SHTN1: variants seen among roughly 807,000 people sequenced by gnomAD.
SHTN1 encodes the protein shootin-1.
A neutral mutation model predicts 83.1 loss-of-function variants in SHTN1; 42 were observed. The observed-to-expected ratio is 0.51, with a 90% CI of 0.39 to 0.65. SHTN1 has a LOEUF of 0.65. SHTN1 is among the 30% of genes least tolerant of loss of function. The pLI, the probability that SHTN1 is intolerant of heterozygous loss-of-function variation, is 0.00. For missense variants in SHTN1, 622 were observed against 737.8 expected (o/e 0.84, Z 1.82); for synonymous variants, 224 against 247.7 (o/e 0.90, Z 0.90).
chr10:116,937,575 C>T (rs1290339815), intron 9 of SHTN1, among the ~76,000 whole-genome samples: 1 of 152,142 alleles, frequency 6.6e-6, no homozygotes, highest in East Asian at 1.9e-4. Flanking sequence ...CCCAACCTTT[C>T]TCTCTGGCCG....
intron 4 of SHTN1, among the ~76,000 whole-genome samples, chr10:116,958,329 T>C (rs755697542): frequency 6.6e-6 from 1 of 152,194 alleles, no homozygotes; most frequent in African/African-American, 2.4e-5. Context: ...GTATTTGATT[T>C]AATCCATTTT....
At chr10:116,917,398 G>A (rs938364178) in intron 12 of SHTN1, among the ~76,000 whole-genome samples, 11 of 152,088 alleles carry the variant, frequency 7.2e-5, no homozygotes, top group African/African-American at 2.4e-4. Flanking sequence ...TCCACCTCCC[G>A]GGTTCAAGCA....
At chr10:117,110,910 A>C (rs1315221041) in intron 1 of SHTN1, among the ~76,000 whole-genome samples, 1 of 152,106 alleles carries the variant, frequency 6.6e-6, no homozygotes, top group Non-Finnish European at 1.5e-5. Context: ...TAAAACACAG[A>C]TTGTGGCTGG....
chr10:117,086,108 C>G (rs913602269), intron 1 of SHTN1, among the ~76,000 whole-genome samples: 1 of 151,908 alleles, frequency 6.6e-6, no homozygotes, highest in Admixed American at 6.6e-5. Context: ...TTAGTAGAGA[C>G]GGGGTTTCAC....
At chr10:117,073,955 TG>T (rs1214112771) in intron 1 of SHTN1, among the ~76,000 whole-genome samples, 1 of 152,152 alleles carries the variant, frequency 6.6e-6, no homozygotes, top group Non-Finnish European at 1.5e-5. Context: ...CCAGAATGCC[TG>T]CAGTCATTGC....
chr10:116,977,869 G>A (rs2133478106), intron 2 of SHTN1, among the ~76,000 whole-genome samples: 1 of 152,126 alleles, frequency 6.6e-6, no homozygotes, highest in Middle Eastern at 3.4e-3. Context: ...AAAGATGGGG[G>A]TCTTACTATG....
At chr10:117,031,952 T>C (rs1365084686) in intron 2 of SHTN1, among the ~76,000 whole-genome samples, 5 of 151,822 alleles carry the variant, frequency 3.3e-5, no homozygotes, top group Non-Finnish European at 2.9e-5. Context: ...TCAAAAGACA[T>C]AGAGTGGCTA....
intron 6 of SHTN1, 25 bp downstream of exon 6, chr10:116,951,884 T>C (rs773018624): frequency 2.2e-6 from 3 of 1,360,144 alleles, no homozygotes; most frequent in Non-Finnish European, 3.1e-6. Flanking sequence ...CTAAAGCCCT[T>C]GCCTTTCAGG....
intron 1 of SHTN1, among the ~76,000 whole-genome samples, chr10:117,074,606 G>C (rs995577264): frequency 6.6e-6 from 1 of 152,162 alleles, no homozygotes; most frequent in African/African-American, 2.4e-5. Context: ...TTTGATATAT[G>C]TAAATTAATT....
chr10:116,969,968 A>G (rs1850548265), intron 2 of SHTN1, among the ~76,000 whole-genome samples: 1 of 152,206 alleles, frequency 6.6e-6, no homozygotes, highest in African/African-American at 2.4e-5. Context: ...ATAAAGCACA[A>G]TTTTAAATTA....
chr10:117,088,463 C>T (rs1178272025), intron 1 of SHTN1, among the ~76,000 whole-genome samples: 2 of 151,908 alleles, frequency 1.3e-5, no homozygotes, highest in Admixed American at 6.6e-5. Flanking sequence ...TCAGTAGGCC[C>T]GAAAAGGTTA....
chr10:116,909,379 A>T (rs1014185138), intron 14 of SHTN1, among the ~76,000 whole-genome samples: 1 of 152,218 alleles, frequency 6.6e-6, no homozygotes, highest in Non-Finnish European at 1.5e-5. Context: ...GAAAAGACCC[A>T]TAATACAATT....
chr10:117,023,361 T>C (rs1852289086), intron 2 of SHTN1, among the ~76,000 whole-genome samples: 1 of 152,222 alleles, frequency 6.6e-6, no homozygotes, highest in African/African-American at 2.4e-5. Flanking sequence ...CTAGATGAGC[T>C]GCATTCAACA....
intron 1 of SHTN1, among the ~76,000 whole-genome samples, chr10:117,066,750 G>A (rs2133600057): frequency 6.6e-6 from 1 of 152,270 alleles, no homozygotes; most frequent in Admixed American, 6.5e-5. Context: ...ATACTAGAAA[G>A]AACGTGGGAC....
At chr10:117,109,366 A>G (rs924332195) in intron 1 of SHTN1, among the ~76,000 whole-genome samples, 1 of 151,996 alleles carries the variant, frequency 6.6e-6, no homozygotes, top group African/African-American at 2.4e-5. Context: ...GTAGACACTC[A>G]ATACATGTAA....
intron 10 of SHTN1, among the ~76,000 whole-genome samples, chr10:116,928,731 T>C (rs758102884): frequency 6.6e-6 from 1 of 152,226 alleles, no homozygotes; most frequent in Admixed American, 6.5e-5. Context: ...CAGTGTGGGC[T>C]ATGCTCTCCA....
chr10:117,086,211 T>C (rs966359696), intron 1 of SHTN1, among the ~76,000 whole-genome samples: 1 of 152,102 alleles, frequency 6.6e-6, no homozygotes, highest in Non-Finnish European at 1.5e-5. Context: ...AGCCACCGCG[T>C]CCATCATGAG....
chr10:116,906,398 T>C (rs1045608067), intron 15 of SHTN1, among the ~76,000 whole-genome samples: 2 of 152,252 alleles, frequency 1.3e-5, no homozygotes, highest in African/African-American at 4.8e-5. Flanking sequence ...AAATCAGATC[T>C]ATAAATGCCT....
At chr10:117,081,423 T>TAA (rs1853260030) in intron 1 of SHTN1, among the ~76,000 whole-genome samples, 1 of 141,214 alleles carries the variant, frequency 7.1e-6, no homozygotes. Flanking sequence ...GATGTGCTGC[T>TAA]GGATTTGGTT....
Sources: gnomAD v4.1 joint callset for allele counts (sites outside exome capture counted in the v4.1 genomes callset) on GRCh38, gnomAD v4.1.1 for gene constraint, MANE v1.5 for transcripts, NCBI Gene and HGNC (gene_info 2026-07-23, HGNC 2026-07-21) for gene names.